Variants in ARK2C observed in about 807,000 individuals in gnomAD.
ARK2C encodes E3 ubiquitin-protein ligase ARK2C.
At chr18:46,344,394 C>T in the ARK2C span, among the ~76,000 whole-genome samples, 1 of 150,966 alleles carries the variant, frequency 6.6e-6, no homozygotes, top group Non-Finnish European at 1.5e-5. Context: ...TAGCTCCAGC[C>T]TTCCTCCCCC....
the ARK2C span, chr18:46,462,167 A>G: frequency 2.6e-5 from 4 of 152,302 alleles, no homozygotes; most frequent in Admixed American, 6.5e-5. Flanking sequence ...CTGCCCCTGT[A>G]GAGGAATAAT....
At chr18:46,439,154 T>G in the ARK2C span, among the ~76,000 whole-genome samples, 1 of 152,232 alleles carries the variant, frequency 6.6e-6, no homozygotes, top group Non-Finnish European at 1.5e-5. Context: ...AGAGAGCTCC[T>G]GCCAACTCTC....
the ARK2C span, among the ~76,000 whole-genome samples, chr18:46,446,643 C>T: frequency 5.8e-5 from 8 of 137,642 alleles, no homozygotes; most frequent in East Asian, 1.5e-3. Flanking sequence ...TGCACTCCAG[C>T]CTGTGTGACA....
At chr18:46,418,307 T>C in the ARK2C span, among the ~76,000 whole-genome samples, 2 of 150,802 alleles carry the variant, frequency 1.3e-5, no homozygotes, top group Admixed American at 6.6e-5. Context: ...CAGTGAACCA[T>C]GATTATGCCA....
the ARK2C span, among the ~76,000 whole-genome samples, chr18:46,393,318 A>G: frequency 3.7e-4 from 57 of 152,262 alleles, no homozygotes; most frequent in Non-Finnish European, 6.9e-4. Flanking sequence ...GGGCCGGTGG[A>G]GAGCAGTCTC....
the ARK2C span, among the ~76,000 whole-genome samples, chr18:46,351,041 C>T: frequency 3.7e-4 from 57 of 152,252 alleles, no homozygotes; most frequent in African/African-American, 1.3e-3. Context: ...GCTGCCCTAG[C>T]GGGCAGACCC....
the ARK2C span, chr18:46,335,904 C>T: frequency 1.0e-6 from 1 of 985,300 alleles, no homozygotes; most frequent in African/African-American, 1.7e-5. Flanking sequence ...GAATGGTCAA[C>T]TCGCTGCTGT....
chr18:46,386,704 C>T, the ARK2C span: 1 of 152,190 alleles, frequency 6.6e-6, no homozygotes, highest in African/African-American at 2.4e-5. Context: ...TGGCAGCTGT[C>T]CTTTCAGTGG....
chr18:46,372,352 G>A, the ARK2C span, among the ~76,000 whole-genome samples: 7 of 152,110 alleles, frequency 4.6e-5, no homozygotes, highest in East Asian at 1.9e-4. Flanking sequence ...TTCCTGCCTC[G>A]GTCCCACCAT....
At chr18:46,396,582 T>C in the ARK2C span, among the ~76,000 whole-genome samples, 1 of 152,240 alleles carries the variant, frequency 6.6e-6, no homozygotes, top group Non-Finnish European at 1.5e-5. Flanking sequence ...ATTTGTTTTC[T>C]TGAACTCAAT....
At chr18:46,421,713 C>T in the ARK2C span, among the ~76,000 whole-genome samples, 1 of 152,162 alleles carries the variant, frequency 6.6e-6, no homozygotes, top group Non-Finnish European at 1.5e-5. Context: ...GCAACTGGAG[C>T]TAAATACTGG....
At chr18:46,377,780 C>A in the ARK2C span, among the ~76,000 whole-genome samples, 2 of 152,096 alleles carry the variant, frequency 1.3e-5, no homozygotes, top group Non-Finnish European at 2.9e-5. Flanking sequence ...GTTTGATAAA[C>A]AAAGGTTGAA....
the ARK2C span, among the ~76,000 whole-genome samples, chr18:46,346,841 C>G: frequency 6.6e-6 from 1 of 152,262 alleles, no homozygotes; most frequent in Non-Finnish European, 1.5e-5. Flanking sequence ...GCAAAGCAGG[C>G]CCTTGGGCAG....
the ARK2C span, among the ~76,000 whole-genome samples, chr18:46,351,100 C>A: frequency 6.6e-6 from 1 of 152,208 alleles, no homozygotes; most frequent in Admixed American, 6.5e-5. Context: ...TGCCAGTCTG[C>A]AGAGCCCGGG....
the ARK2C span, among the ~76,000 whole-genome samples, chr18:46,401,957 C>T: frequency 1.3e-5 from 2 of 152,198 alleles, no homozygotes; most frequent in African/African-American, 2.4e-5. Context: ...TTAAACACTA[C>T]AAATCTGATG....
At chr18:46,438,807 C>T in the ARK2C span, among the ~76,000 whole-genome samples, 2 of 152,332 alleles carry the variant, frequency 1.3e-5, no homozygotes, top group South Asian at 2.1e-4. Context: ...TCCAGGGATT[C>T]GGGCTGATAA....
chr18:46,424,824 G>C, the ARK2C span, among the ~76,000 whole-genome samples: 1 of 152,190 alleles, frequency 6.6e-6, no homozygotes, highest in Non-Finnish European at 1.5e-5. Context: ...CCTTACACCG[G>C]GTGACTCTGC....
chr18:46,439,803 A>C, the ARK2C span, among the ~76,000 whole-genome samples: 2 of 152,220 alleles, frequency 1.3e-5, no homozygotes, highest in East Asian at 3.9e-4. Flanking sequence ...TATGACATCA[A>C]CTCATGGCCA....
At chr18:46,334,781 A>C in the ARK2C span, 1 of 272,780 alleles carries the variant, frequency 3.7e-6, no homozygotes, top group Non-Finnish European at 6.6e-6. The surrounding 1 kb of genome is among the most constrained non-coding windows in gnomAD (Gnocchi z 4.4). Context: ...TTTTTGAGGT[A>C]TATGTGTGTT....
Sources: gnomAD v4.1 joint callset for allele counts (sites outside exome capture counted in the v4.1 genomes callset) on GRCh38, gnomAD v4.1.1 for gene constraint, Gnocchi (gnomAD v3.1) non-coding constraint, MANE v1.5 for transcripts, NCBI Gene and HGNC (gene_info 2026-07-23, HGNC 2026-07-21) for gene names.